TEX11: variants seen among roughly 807,000 people sequenced by gnomAD.
TEX11 encodes the protein testis expressed 11.
In TEX11, 7 loss-of-function variants were observed where a neutral mutation model predicts 84.4. The observed-to-expected ratio is 0.08, with a 90% CI of 0.05 to 0.16. The LOEUF is 0.16. TEX11 is among the 10% of genes least tolerant of loss of function. TEX11 has a pLI of 1.00. For synonymous variants in TEX11, 264 were observed against 222.8 expected, an observed-to-expected ratio of 1.18 and a Z score of -1.64; for missense variants, 551 against 660.5, an observed-to-expected ratio of 0.83 and a Z score of 1.82.
At chrX:70,818,707 C>A (rs2091303088) in intron 8 of TEX11, among the ~76,000 whole-genome samples, 1 of 110,736 alleles carries the variant, frequency 9.0e-6, no homozygotes, top group African/African-American at 3.3e-5. Flanking sequence ...CCTAGAACCA[C>A]CACATATCCC....
At chrX:70,666,386 T>C (rs1056736757) in intron 16 of TEX11, among the ~76,000 whole-genome samples, 2 of 112,096 alleles carry the variant, frequency 1.8e-5, no homozygotes, top group African/African-American at 6.5e-5. Context: ...ACATAGATCA[T>C]GGCTAGGAAG....
At chrX:70,759,245 G>A (rs1447056513) in intron 9 of TEX11, among the ~76,000 whole-genome samples, 1 of 111,597 alleles carries the variant, frequency 9.0e-6, no homozygotes, top group Non-Finnish European at 1.9e-5. Context: ...AGAAAAAGAG[G>A]GACTCCTCCC....
chrX:70,590,148 G>T (rs2088909552), intron 25 of TEX11, among the ~76,000 whole-genome samples: 1 of 111,871 alleles, frequency 8.9e-6, no homozygotes, highest in African/African-American at 3.2e-5. Context: ...ATATTTTCAG[G>T]CTACAGAGTT....
chrX:70,732,662 A>C (rs1349444412), intron 11 of TEX11, among the ~76,000 whole-genome samples: 1 of 111,582 alleles, frequency 9.0e-6, no homozygotes, highest in East Asian at 2.8e-4. Context: ...GGATACAAAC[A>C]AATGGAAGAA....
chrX:70,904,799 T>A (rs775324714), intron 2 of TEX11, among the ~76,000 whole-genome samples: 1 of 112,525 alleles, frequency 8.9e-6, no homozygotes, highest in South Asian at 3.7e-4. Context: ...CCAAAAAATG[T>A]AGAATGTAAA....
intron 20 of TEX11, among the ~76,000 whole-genome samples, chrX:70,617,297 T>C (rs1303305961): frequency 9.3e-6 from 1 of 107,860 alleles, no homozygotes; most frequent in Admixed American, 1.0e-4. Flanking sequence ...GAAACTCAGA[T>C]CTACATAAAG....
intron 8 of TEX11, among the ~76,000 whole-genome samples, chrX:70,829,365 C>T (rs927095597): frequency 9.1e-6 from 1 of 109,474 alleles, no homozygotes; most frequent in Admixed American, 9.8e-5. Flanking sequence ...ACCTGTAGTT[C>T]CAGCTACTTG....
intron 9 of TEX11, among the ~76,000 whole-genome samples, chrX:70,787,572 G>A (rs1039495146): frequency 9.1e-6 from 1 of 109,484 alleles, no homozygotes; most frequent in Non-Finnish European, 1.9e-5. Flanking sequence ...CTCGTGATCC[G>A]CCCACCTCGG....
intron 7 of TEX11, among the ~76,000 whole-genome samples, chrX:70,839,702 A>G (rs1490962982): frequency 1.8e-5 from 2 of 111,558 alleles, no homozygotes; most frequent in Non-Finnish European, 3.8e-5. Context: ...GAGCTACAGG[A>G]GGAAATTCGA....
At chrX:70,772,278 A>T (rs191631701) in intron 9 of TEX11, among the ~76,000 whole-genome samples, 58 of 111,988 alleles carry the variant, frequency 5.2e-4, no homozygotes, top group Non-Finnish European at 7.0e-4. Context: ...GGCCACAAAG[A>T]TAAAAAATAA....
chrX:70,670,562 A>G (rs371172111), intron 15 of TEX11, 48 bp from the exon 16 acceptor site: 1 of 1,146,806 alleles, frequency 8.7e-7, no homozygotes, highest in Non-Finnish European at 1.2e-6. Flanking sequence ...TCGCTACCCT[A>G]TCTTTCCCAA....
At chrX:70,540,270 T>C (rs770439366) in intron 28 of TEX11, among the ~76,000 whole-genome samples, 47 of 112,188 alleles carry the variant, frequency 4.2e-4, no homozygotes, top group Non-Finnish European at 7.9e-4. Context: ...ACTTAAAAAA[T>C]GGGGTAAAAT....
intron 9 of TEX11, among the ~76,000 whole-genome samples, chrX:70,749,558 T>G (rs2090796951): frequency 9.6e-6 from 1 of 104,560 alleles, no homozygotes; most frequent in Non-Finnish European, 2.0e-5. Context: ...GGCTGTGGGT[T>G]TGTCATAGAT....
intron 19 of TEX11, 68 bp from the exon 20 acceptor site, chrX:70,624,074 C>A: frequency 1.1e-6 from 1 of 874,041 alleles, no homozygotes; most frequent in Non-Finnish European, 1.6e-6. Context: ...TGAATACATA[C>A]CAAGTTACTA....
intron 10 of TEX11, among the ~76,000 whole-genome samples, chrX:70,743,373 G>C (rs892642148): frequency 1.8e-5 from 2 of 111,955 alleles, no homozygotes; most frequent in Non-Finnish European, 1.9e-5. Context: ...AAGGTATCCA[G>C]TTACATTTTG....
chrX:70,697,983 G>A (rs2090294510), intron 13 of TEX11, among the ~76,000 whole-genome samples: 1 of 111,448 alleles, frequency 9.0e-6, no homozygotes, highest in Non-Finnish European at 1.9e-5. Flanking sequence ...TTCTGAAGAA[G>A]CTTGTTTAGA....
intron 17 of TEX11, among the ~76,000 whole-genome samples, chrX:70,641,969 T>G (rs1418067572): frequency 1.8e-5 from 2 of 110,662 alleles, no homozygotes; most frequent in Non-Finnish European, 3.8e-5. Context: ...AAAATATTAA[T>G]GAATCCAGGA....
At chrX:70,820,557 C>G (rs1258895972) in intron 8 of TEX11, among the ~76,000 whole-genome samples, 1 of 111,994 alleles carries the variant, frequency 8.9e-6, no homozygotes, top group Admixed American at 9.5e-5. Flanking sequence ...TTCTCAGCTT[C>G]TGATGAGGGC....
intron 25 of TEX11, among the ~76,000 whole-genome samples, chrX:70,584,220 T>C (rs2088820844): frequency 9.3e-6 from 1 of 107,371 alleles, no homozygotes; most frequent in Non-Finnish European, 1.9e-5. Flanking sequence ...GAAGCGGAAC[T>C]TGCAGTGAGC....
Sources: gnomAD v4.1 joint callset for allele counts (sites outside exome capture counted in the v4.1 genomes callset) on GRCh38, gnomAD v4.1.1 for gene constraint, MANE v1.5 for transcripts, NCBI Gene and HGNC (gene_info 2026-07-23, HGNC 2026-07-21) for gene names.